Variants in BRD7 observed in about 807,000 individuals in gnomAD.
The protein encoded by BRD7 is bromodomain-containing protein 7.
A neutral mutation model predicts 82.1 loss-of-function variants in BRD7; 15 were observed. The observed-to-expected ratio is 0.18, with a 90% confidence interval of 0.12 to 0.28. The LOEUF is 0.28. Among genes scored for constraint, BRD7 ranks in the 10% least tolerant of loss-of-function variants. BRD7 has a pLI of 1.00. For synonymous variants in BRD7, 232 were observed against 266.9 expected, an observed-to-expected ratio of 0.87 and a Z score of 1.27; for missense variants, 638 against 779.9, an observed-to-expected ratio of 0.82 and a Z score of 2.17.
intron 2 of BRD7, among the ~76,000 whole-genome samples, chr16:50,362,337 T>C (rs1287613642): frequency 1.3e-5 from 2 of 152,226 alleles, no homozygotes; most frequent in East Asian, 3.8e-4. Context: ...ATTTGAGTTA[T>C]TGTTCTGGCA....
At chr16:50,349,234 C>T (rs1452142418) in intron 5 of BRD7, 19 of 193,686 alleles carry the variant, frequency 9.8e-5, no homozygotes, top group East Asian at 4.0e-4. Context: ...CATCACACAC[C>T]GGGGCCTGTT....
chr16:50,368,713 GC>G lies in BRD7; in HGVS notation c.49+12del. 1 of 1,552,956 alleles carries G rather than the reference GC, an allele frequency of 6.4e-7. No individual in the cohort carries two copies. Among genetic ancestry groups the G allele is most frequent in the Non-Finnish European group, 8.7e-7 (1 of 1,151,284 alleles). Reference sequence around the variant, plus strand: ...CCGAGGGCCCGCCGCCCGCACCCCGGCCCCCTCCTCACCCTCGTAGAGGTGT... The same window carrying G: ...CCGAGGGCCCGCCGCCCGCACCCCGGCCCCTCCTCACCCTCGTAGAGGTGT... On this transcript the variant is annotated intron_variant, in intron 1 of 16. Transcript: ENST00000394688.
chr16:50,320,747 A>C lies in BRD7; in HGVS notation c.1528T>G (p.Leu510Val), dbSNP rs779839531. The change falls in exon 14 of 17, where the codon TTG (leucine) becomes GTG (valine). Residue 510 changes from leucine (L) to valine (V), a missense_variant. Leu to Val is a conservative substitution (Grantham distance 32). Around this residue, in one of 3 missense-constraint regions of BRD7, gnomAD observed 402 missense variants for 500.8 expected, o/e 0.80. Coordinates refer to ENST00000394688, the MANE Select transcript of BRD7 (RefSeq NM_013263.5). Reference protein sequence around the residue: ...EITEVEPPGRLDSSTQDRLIA... With the variant: ...EITEVEPPGRVDSSTQDRLIA... Reference sequence around the variant, plus strand: ...AGCCTGTCTTGAGTACTGGAGTCCAAACGCCCTGGTGGCTCTACTTCTGTA... The same window carrying C: ...AGCCTGTCTTGAGTACTGGAGTCCACACGCCCTGGTGGCTCTACTTCTGTA... 22 of 1,614,034 alleles carry C rather than the reference A, an allele frequency of 1.4e-5. No homozygotes were observed. The Middle Eastern group carries it at 6.6e-4, about 48-fold the overall frequency.
Position 50,366,546 on chromosome 16 carries a change from T to C in BRD7, c.258+1544A>G, listed in dbSNP as rs189480260. Among the ~76,000 whole-genome samples, 626 of 152,380 alleles carry C rather than the reference T, an allele frequency of 4.1e-3. 5 individuals are homozygous for C. Among genetic ancestry groups the C allele is most frequent in the African/African-American group, 0.015 (603 of 41,584 alleles). Reference sequence around the variant, plus strand: ...TACTTGTCTACAATCACTTTAATATTGATTTAACCAATAATTGTGATGTAC... The same window carrying C: ...TACTTGTCTACAATCACTTTAATATCGATTTAACCAATAATTGTGATGTAC... On this transcript the variant is annotated intron_variant, in intron 2 of 16. Transcript: ENST00000394688.
chr16:50,342,509 C>T (rs2038109868), intron 5 of BRD7, among the ~76,000 whole-genome samples: 1 of 134,694 alleles, frequency 7.4e-6, no homozygotes, highest in African/African-American at 2.8e-5. Context: ...CAAGCTCTGC[C>T]TCCTGGGTTC....
At position 50,328,672 on chromosome 16, in the gene BRD7, C is replaced by G. The variant is rs768971711; in HGVS notation, c.1084G>C (p.Gly362Arg). ...GLLHPVDPIV[G>R]EPGYCPVRLG... The stretch of plus-strand genomic sequence containing the variant: ...CACAGTTTTACTCTGATCCTACCTC[C>G]TACAATGGGATCCACAGGATGGAGA... Residue 362 changes from glycine to arginine, a missense_variant, in exon 9 of 17, where the codon GGA (glycine) becomes CGA (arginine). Gly to Arg is a moderately radical substitution (Grantham distance 125). Transcript: ENST00000394688. The G allele has an allele frequency of 8.7e-6, 14 of 1,613,204 alleles. No homozygotes were observed. The Admixed American group carries it at 2.3e-4, about 27-fold the overall frequency.
chr16:50,321,753 C>T (rs955678000), intron 13 of BRD7, among the ~76,000 whole-genome samples: 3 of 152,106 alleles, frequency 2.0e-5, no homozygotes, highest in Non-Finnish European at 2.9e-5. Context: ...CATTGATCCA[C>T]CTGATTTCTC....
At chr16:50,335,064 C>T (rs1400216711) in intron 6 of BRD7, among the ~76,000 whole-genome samples, 169 bp from the exon 7 acceptor site, 1 of 152,146 alleles carries the variant, frequency 6.6e-6, no homozygotes, top group Non-Finnish European at 1.5e-5. Context: ...CATGATAATG[C>T]CTACACCTTC....
At chr16:50,323,733 C>T (rs767485006) in intron 11 of BRD7, 35 bp from the exon 12 acceptor site, 1 of 1,504,692 alleles carries the variant, frequency 6.6e-7, no homozygotes, top group East Asian at 2.3e-5. Flanking sequence ...TCACATAAAT[C>T]ACCTCCACTG....
chr16:50,367,238 T>C (rs1195067212), intron 2 of BRD7, among the ~76,000 whole-genome samples: 1 of 152,248 alleles, frequency 6.6e-6, no homozygotes, highest in Admixed American at 6.5e-5. Flanking sequence ...GTTATTATTA[T>C]TAGAGACAGA....
At chr16:50,350,992 A>C (rs1380817955) in intron 4 of BRD7, among the ~76,000 whole-genome samples, 1 of 152,186 alleles carries the variant, frequency 6.6e-6, no homozygotes, top group Non-Finnish European at 1.5e-5. Context: ...CAGTATTGTC[A>C]GGTTGAGAAT....
chr16:50,360,720 C>G (rs1359994700), intron 2 of BRD7, among the ~76,000 whole-genome samples: 1 of 152,170 alleles, frequency 6.6e-6, no homozygotes, highest in Non-Finnish European at 1.5e-5. Context: ...GAGCCTAGTA[C>G]AGTCTGGCCA....
chr16:50,368,673 A>G, intron 1 of BRD7, 53 bp downstream of exon 1: 2 of 1,478,456 alleles, frequency 1.4e-6, no homozygotes, highest in Non-Finnish European at 1.8e-6. Context: ...AAAGAGCGGA[A>G]GCCCGGCAGA....
intron 2 of BRD7, among the ~76,000 whole-genome samples, chr16:50,356,160 T>C (rs1164554307): frequency 1.3e-5 from 2 of 152,208 alleles, no homozygotes; most frequent in South Asian, 2.1e-4. Flanking sequence ...CAAGTTTTGA[T>C]AAAAATGTAG....
chr16:50,368,316 A>C lies in BRD7; in HGVS notation c.50-18T>G. Reference sequence around the variant, plus strand: ...TACATACTCTTAAAAAAAGAAAAGAAAAGAAAGGAAAGCGCGTCGATTAAA... The same window carrying C: ...TACATACTCTTAAAAAAAGAAAAGACAAGAAAGGAAAGCGCGTCGATTAAA... On this transcript the variant is annotated intron_variant, in intron 1 of 16. Transcript: ENST00000394688. 1 of 1,608,872 alleles carries C rather than the reference A, an allele frequency of 6.2e-7. No individual in the cohort carries two copies. Among genetic ancestry groups the C allele is most frequent in the Non-Finnish European group, 8.5e-7 (1 of 1,177,882 alleles).
At chr16:50,352,933 C>T (rs1208497944) in intron 4 of BRD7, among the ~76,000 whole-genome samples, 1 of 152,060 alleles carries the variant, frequency 6.6e-6, no homozygotes, top group Non-Finnish European at 1.5e-5. Context: ...TACAGTCACA[C>T]CTTGTAAATT....
In BRD7 at chr16:50,323,544, A is replaced by G; in HGVS notation, c.1443+43T>C. ...TTATACTGAATGACTAATGCTTGAGAGTCGATAATAAATTACCCTGTTTTC... is the reference window on the plus strand; with the variant it reads ...TTATACTGAATGACTAATGCTTGAGGGTCGATAATAAATTACCCTGTTTTC... On this transcript the variant is annotated intron_variant, in intron 12 of 16. Coordinates refer to ENST00000394688, the MANE Select transcript of BRD7 (RefSeq NM_013263.5). 5 of 1,363,644 alleles carry G rather than the reference A, an allele frequency of 3.7e-6. No individual in the cohort carries two copies. In the South Asian group the frequency reaches 5.8e-5, roughly 16 times the overall value. 84.5% of individuals were successfully genotyped at this position (1,363,644 alleles called of 1,614,324 possible).
Position 50,316,725 on chromosome 16 carries a change from G to A in BRD7, c.*2486C>T, listed in dbSNP as rs181099925. On this transcript the variant is annotated 3_prime_UTR_variant, in exon 17 of 17. Coordinates refer to ENST00000394688, the MANE Select transcript of BRD7 (RefSeq NM_013263.5). ...TCTTACTGTGCTTCAACTTCCCAAG[G>A]AATTGAAAGTCAACCTAACTGTAAC... 4.6e-5 allele frequency: 7 copies of A among 152,314 alleles called. No individual in the cohort carries two copies. Among genetic ancestry groups the A allele is most frequent in the Admixed American group, 4.6e-4 (7 of 15,280 alleles). The allele number at this position is 152,314 out of a possible 1,614,324, so 9.4% of individuals were successfully genotyped here.
In BRD7 at chr16:50,320,222, C is replaced by T. The variant is rs765348237; in HGVS notation, c.1756+26G>A. The stretch of plus-strand genomic sequence containing the variant: ...TTTTTCTTTGAAGCATCCCGTGACT[C>T]TCCTCTTATGGGAGGCAAAACATAC... On this transcript the variant is annotated intron_variant, in intron 15 of 16. Transcript: ENST00000394688. 1.6e-5 allele frequency: 26 copies of T among 1,598,092 alleles called. 1 individual carries two copies. The South Asian group carries it at 2.8e-4, about 17-fold the overall frequency.
Sources: gnomAD v4.1 joint callset for allele counts (sites outside exome capture counted in the v4.1 genomes callset) on GRCh38, gnomAD v4.1.1 for gene constraint, gnomAD v4.1.1 regional missense constraint, MANE v1.5 for transcripts, NCBI Gene and HGNC (gene_info 2026-07-23, HGNC 2026-07-21) for gene names.